Variants in DOK6 observed in about 807,000 individuals in gnomAD.
DOK6 encodes downstream of tyrosine kinase 6.
A neutral mutation model predicts 44.0 loss-of-function variants in DOK6; 22 were observed. That is an observed-to-expected ratio of 0.50 (90% CI 0.36 to 0.71). The LOEUF (loss-of-function observed/expected upper bound fraction) is 0.71. Ranked by LOEUF, DOK6 falls within the 30% of genes least tolerant of loss-of-function variation. The probability of loss-of-function intolerance (pLI) is 0.00; values close to 1 mark genes in which losing one functional copy is unlikely to be tolerated. For missense variants in DOK6, 340 were observed against 416.4 expected (o/e 0.82, Z 1.60); for synonymous variants, 166 against 145.5 (o/e 1.14, Z -1.01).
chr18:69,720,564 A>G (rs996948109), intron 5 of DOK6, among the ~76,000 whole-genome samples: 2 of 152,214 alleles, frequency 1.3e-5, no homozygotes, highest in African/African-American at 4.8e-5. Context: ...ATGAATTCAT[A>G]TAGTTGAAAG....
chr18:69,815,447 C>T (rs1981370722), intron 7 of DOK6, among the ~76,000 whole-genome samples: 1 of 152,152 alleles, frequency 6.6e-6, no homozygotes, highest in Non-Finnish European at 1.5e-5. Context: ...CTAAAATTTG[C>T]ATTGTGGCAA....
chr18:69,605,074 CTT>C (rs1491519484), intron 3 of DOK6, among the ~76,000 whole-genome samples: 1 of 106,216 alleles, frequency 9.4e-6, no homozygotes, highest in Non-Finnish European at 1.9e-5. Context: ...GGAGAGATCC[CTT>C]TGTGTGTGTG....
At chr18:69,448,954 T>A (rs944655977) in intron 1 of DOK6, among the ~76,000 whole-genome samples, 5 of 152,192 alleles carry the variant, frequency 3.3e-5, no homozygotes, top group Non-Finnish European at 7.3e-5. Context: ...AGTCGCCAAA[T>A]AATTTGTCAC....
At chr18:69,474,217 G>A (rs183528421) in intron 1 of DOK6, among the ~76,000 whole-genome samples, 338 of 151,842 alleles carry the variant, frequency 2.2e-3, no homozygotes, top group African/African-American at 7.9e-3. Flanking sequence ...TCTGGTTTTT[G>A]CTCTGTCTTC....
chr18:69,560,399 C>T (rs762735969), intron 1 of DOK6, among the ~76,000 whole-genome samples: 1 of 145,290 alleles, frequency 6.9e-6, no homozygotes, highest in Non-Finnish European at 1.6e-5. Context: ...AATTTGATGC[C>T]GATTTTTTTT....
At chr18:69,422,621 C>T (rs1160426135) in intron 1 of DOK6, among the ~76,000 whole-genome samples, 1 of 152,166 alleles carries the variant, frequency 6.6e-6, no homozygotes, top group Non-Finnish European at 1.5e-5. Flanking sequence ...GGTGCTGCCT[C>T]AGAATGTCTC....
rs568380507 is a variant in DOK6 at position 69,783,207 on chromosome 18, C to T, written c.856+25334C>T. Reference sequence around the variant, plus strand: ...TTCCAAAGGAGTGGCCACACGACAGCGAAGCCAACACTAGCACTGTGCATC... The same window carrying T: ...TTCCAAAGGAGTGGCCACACGACAGTGAAGCCAACACTAGCACTGTGCATC... On this transcript the variant is annotated intron_variant, in intron 7 of 7. Transcript: ENST00000382713. Among the ~76,000 whole-genome samples, 90 of 152,308 alleles carry T rather than the reference C, an allele frequency of 5.9e-4. 1 individual carries two copies. In the East Asian group the frequency reaches 8.5e-3, roughly 14 times the overall value.
chr18:69,485,384 A>G (rs899148184), intron 1 of DOK6, among the ~76,000 whole-genome samples: 4 of 152,174 alleles, frequency 2.6e-5, no homozygotes, highest in Admixed American at 1.3e-4. Context: ...CTTAACAGAT[A>G]GGAGATTAAA....
intron 1 of DOK6, among the ~76,000 whole-genome samples, chr18:69,493,815 A>G (rs1025943659): frequency 6.6e-6 from 1 of 152,168 alleles, no homozygotes; most frequent in African/African-American, 2.4e-5. Context: ...ATTTTATTTT[A>G]TTCCAGCTTT....
intron 1 of DOK6, among the ~76,000 whole-genome samples, chr18:69,449,761 C>T (rs1022211171): frequency 7.3e-5 from 11 of 151,660 alleles, no homozygotes; most frequent in Admixed American, 5.3e-4. Context: ...CCCTGACCCC[C>T]GAGCAGCCTA....
chr18:69,765,589 G>A (rs1309932849), intron 7 of DOK6, among the ~76,000 whole-genome samples: 1 of 152,122 alleles, frequency 6.6e-6, no homozygotes, highest in African/African-American at 2.4e-5. Context: ...TTAAATGAAT[G>A]TGTTTATTTA....
At chr18:69,607,390 A>G (rs1984027923) in intron 3 of DOK6, among the ~76,000 whole-genome samples, 2 of 152,356 alleles carry the variant, frequency 1.3e-5, no homozygotes, top group Admixed American at 1.3e-4. Flanking sequence ...AAAAAGCTAC[A>G]GCAATATACC....
intron 2 of DOK6, among the ~76,000 whole-genome samples, chr18:69,584,492 A>G (rs1009674618): frequency 7.2e-5 from 11 of 152,072 alleles, no homozygotes; most frequent in African/African-American, 2.7e-4. Flanking sequence ...GGTTTTCACC[A>G]TGTTGGCCAG....
intron 1 of DOK6, among the ~76,000 whole-genome samples, chr18:69,462,969 A>G (rs1349739295): frequency 6.6e-6 from 1 of 152,234 alleles, no homozygotes; most frequent in Non-Finnish European, 1.5e-5. Context: ...ATTGGAATTT[A>G]GTCTATGGCT....
At chr18:69,622,113 G>T (rs1286931334) in intron 3 of DOK6, among the ~76,000 whole-genome samples, 4 of 152,130 alleles carry the variant, frequency 2.6e-5, no homozygotes, top group African/African-American at 7.2e-5. Flanking sequence ...ATCTGATGCT[G>T]TGCTAAGAAA....
intron 3 of DOK6, among the ~76,000 whole-genome samples, chr18:69,614,648 C>T (rs994518501): frequency 1.3e-4 from 19 of 151,042 alleles, no homozygotes. Context: ...CAATATGTGG[C>T]GTAGAAACTG....
At chr18:69,481,206 T>G (rs997199591) in intron 1 of DOK6, among the ~76,000 whole-genome samples, 1 of 151,966 alleles carries the variant, frequency 6.6e-6, no homozygotes, top group East Asian at 1.9e-4. Context: ...AAGTCACATG[T>G]GTGATGGGGA....
At chr18:69,739,483 TTTA>T (rs1411244431) in intron 6 of DOK6, among the ~76,000 whole-genome samples, 1 of 152,200 alleles carries the variant, frequency 6.6e-6, no homozygotes, top group Non-Finnish European at 1.5e-5. Flanking sequence ...AGGGTTCCAC[TTTA>T]TTTTTTAACC....
At chr18:69,804,422 T>G (rs1481725919) in intron 7 of DOK6, among the ~76,000 whole-genome samples, 1 of 152,126 alleles carries the variant, frequency 6.6e-6, no homozygotes, top group African/African-American at 2.4e-5. Context: ...GATGACAGAG[T>G]TTTCATAATC....
Sources: allele counts gnomAD v4.1 joint callset (sites outside exome capture counted in the v4.1 genomes callset), GRCh38; gene constraint gnomAD v4.1.1; transcripts MANE v1.5; gene names NCBI Gene and HGNC (gene_info 2026-07-23, HGNC 2026-07-21).